Variants in CKAP5 observed in about 807,000 individuals in gnomAD.
CKAP5 encodes the protein cytoskeleton-associated protein 5.
In CKAP5, 27 loss-of-function variants were observed where a neutral mutation model predicts 232.8. That is an observed-to-expected ratio of 0.12 (90% CI 0.09 to 0.16). The LOEUF (loss-of-function observed/expected upper bound fraction) is 0.16. CKAP5 is among the 10% of genes least tolerant of loss of function. The probability of loss-of-function intolerance (pLI) is 1.00; values close to 1 mark genes in which losing one functional copy is unlikely to be tolerated. For synonymous variants in CKAP5, 785 were observed against 841.1 expected (o/e 0.93, Z 1.16); for missense variants, 1,838 against 2,424.7 (o/e 0.76, Z 5.08).
chr11:46,763,462 T>G lies in CKAP5; in HGVS notation c.3687+19A>C, dbSNP rs1452059880. ...TTACATGTCTGAAATACATGTATAT[T>G]TATCTATTGCAGACTTACATCAACC... On this transcript the variant is annotated intron_variant, in intron 29 of 43. Coordinates refer to ENST00000529230, the MANE Select transcript of CKAP5 (RefSeq NM_001008938.4). 1 of 1,571,616 alleles carries G rather than the reference T, an allele frequency of 6.4e-7. No individual in the cohort carries two copies. The highest frequency in any genetic ancestry group is 2.1e-5 in the Admixed American group (1 of 48,252).
chr11:46,816,932 C>T (rs1190447860), intron 3 of CKAP5, among the ~76,000 whole-genome samples: 2 of 151,368 alleles, frequency 1.3e-5, no homozygotes, highest in Admixed American at 6.6e-5. Context: ...AATGGAGAAA[C>T]CTCATCTCTA....
intron 4 of CKAP5, 114 bp from the exon 5 acceptor site, chr11:46,811,292 G>A: frequency 2.4e-6 from 2 of 851,040 alleles, no homozygotes; most frequent in South Asian, 2.2e-5. Flanking sequence ...AATTATATAA[G>A]TTCAGTTTTT....
rs531984577 is a variant in CKAP5, at chr11:46,828,180, A to G, written c.-37-6912T>C. Reference sequence around the variant, plus strand: ...TGAAGATTGCTCCACCAGGGAGCAGACTCAGGTTACTCTTATTCTGAAGGT... The same window carrying G: ...TGAAGATTGCTCCACCAGGGAGCAGGCTCAGGTTACTCTTATTCTGAAGGT... On this transcript the variant is annotated intron_variant, in intron 1 of 43. Transcript: ENST00000529230. 1.1e-4 allele frequency among the ~76,000 whole-genome samples: 16 copies of G among 149,558 alleles called. No homozygotes were observed. The South Asian group carries it at 3.4e-3, about 31-fold the overall frequency.
In CKAP5 at chr11:46,759,538, T is replaced by C. The variant is rs1310844891; in HGVS notation, c.4395-96A>G. 2.4e-6 allele frequency: 3 copies of C among 1,253,614 alleles called. No homozygotes were observed. The Admixed American group carries it at 8.1e-5, about 34-fold the overall frequency. 77.7% of individuals were successfully genotyped at this position (1,253,614 alleles called of 1,614,324 possible). On this transcript the variant is annotated intron_variant, in intron 33 of 43. Transcript: ENST00000529230. ...AGTTGCCCCAAAGCTTCAGGACAGA[T>C]GTTCAACTTCTGGTTTCAGCCCCCC...
chr11:46,755,483 A>G (rs542446542), intron 35 of CKAP5, among the ~76,000 whole-genome samples: 5 of 152,152 alleles, frequency 3.3e-5, no homozygotes, highest in Middle Eastern at 3.4e-3. Flanking sequence ...CTGGGATTAC[A>G]GGCGTGAGCC....
chr11:46,746,275 C>CT (rs2065021160), intron 42 of CKAP5, among the ~76,000 whole-genome samples: 1 of 152,168 alleles, frequency 6.6e-6, no homozygotes, highest in Non-Finnish European at 1.5e-5. Flanking sequence ...TTTTCTATAA[C>CT]TGAAACCTCC....
chr11:46,778,583 G>A lies in CKAP5; in HGVS notation c.2450C>T (p.Pro817Leu). The change falls in exon 21 of 44, where the codon CCA becomes CTA. Residue 817 changes from proline (P) to leucine (L), a missense_variant. Pro to Leu is a moderately conservative substitution (Grantham distance 98). Transcript: ENST00000529230. Reference protein sequence around the residue: ...AEFEKMQGQSPPAPTRGISKH... With the variant: ...AEFEKMQGQSLPAPTRGISKH... The stretch of plus-strand genomic sequence containing the variant: ...GGAAATTCCTCTGGTTGGAGCAGGT[G>A]GACTTTGTCCCTGCATCTATACACA... The A allele has an allele frequency of 6.2e-7, 1 of 1,613,824 alleles. No individual in the cohort carries two copies. The highest frequency in any genetic ancestry group is 8.5e-7 in the Non-Finnish European group (1 of 1,179,832).
intron 4 of CKAP5, among the ~76,000 whole-genome samples, 191 bp downstream of exon 4, chr11:46,816,007 T>C (rs4382863): frequency 0.096 from 14,652 of 152,058 alleles, 876 homozygotes; most frequent in Middle Eastern, 0.18. Flanking sequence ...AACCCTACTG[T>C]GAACTGCACA....
chr11:46,815,448 C>G (rs1448162723), intron 4 of CKAP5, among the ~76,000 whole-genome samples: 1 of 152,128 alleles, frequency 6.6e-6, no homozygotes, highest in African/African-American at 2.4e-5. Context: ...CTTCTAGACT[C>G]AAGAGATCCT....
At chr11:46,839,319 G>A (rs1165499902) in intron 1 of CKAP5, among the ~76,000 whole-genome samples, 2 of 152,266 alleles carry the variant, frequency 1.3e-5, no homozygotes, top group East Asian at 1.9e-4. Context: ...AAGAATAAGC[G>A]TAATGTGTTG....
intron 1 of CKAP5, among the ~76,000 whole-genome samples, chr11:46,825,195 A>G (rs1201443749): frequency 6.6e-6 from 1 of 152,212 alleles, no homozygotes; most frequent in African/African-American, 2.4e-5. Flanking sequence ...ATAAATTCCA[A>G]ATTGTCTGAT....
At chr11:46,810,832 A>G (rs1395970327) in intron 5 of CKAP5, among the ~76,000 whole-genome samples, 175 bp downstream of exon 5, 1 of 152,238 alleles carries the variant, frequency 6.6e-6, no homozygotes, top group Non-Finnish European at 1.5e-5. Flanking sequence ...CACACAGATA[A>G]TAAGTTCTGC....
intron 18 of CKAP5, 113 bp from the exon 19 acceptor site, chr11:46,780,598 T>C: frequency 1.3e-6 from 1 of 768,166 alleles, no homozygotes; most frequent in Non-Finnish European, 2.2e-6. Context: ...TTCTCACTTT[T>C]TCTCTTCCTA....
Position 46,752,646 on chromosome 11 carries a change from G to A in CKAP5, c.5122C>T (p.Leu1708Phe). 1 of 1,612,304 alleles carries A rather than the reference G, an allele frequency of 6.2e-7. No individual in the cohort carries two copies. The highest frequency in any genetic ancestry group is 8.5e-7 in the Non-Finnish European group (1 of 1,178,714). Residue 1708 changes from leucine (L) to phenylalanine (F), a missense_variant, in exon 38 of 44, where the codon CTT (leucine) becomes TTT (phenylalanine). Coordinates refer to ENST00000529230, the MANE Select transcript of CKAP5 (RefSeq NM_001008938.4). ...ATASSPKFSELVMKCLWRMVR... is the reference protein window; with the variant it reads ...ATASSPKFSEFVMKCLWRMVR... Reference sequence around the variant, plus strand: ...CATTTCAACTTCACCTTCATAACAAGCTCTGAGAATTTGGGAGAACTGGCT... The same window carrying A: ...CATTTCAACTTCACCTTCATAACAAACTCTGAGAATTTGGGAGAACTGGCT...
chr11:46,796,733 A>G (rs1022224244), intron 12 of CKAP5, 79 bp downstream of exon 12: 9 of 1,536,718 alleles, frequency 5.9e-6, no homozygotes, highest in Admixed American at 3.6e-5. Context: ...CCAGTACTCT[A>G]TAACTGTCAA....
chr11:46,823,262 A>C (rs866242612), intron 1 of CKAP5, among the ~76,000 whole-genome samples: 1 of 152,152 alleles, frequency 6.6e-6, no homozygotes, highest in African/African-American at 2.4e-5. Context: ...TATCTAGACA[A>C]CACCTTTTTC....
intron 28 of CKAP5, among the ~76,000 whole-genome samples, chr11:46,764,690 C>T (rs2065187294): frequency 6.6e-6 from 1 of 152,110 alleles, no homozygotes; most frequent in Admixed American, 6.6e-5. Context: ...TCTTACTATA[C>T]TTTGCACTTT....
chr11:46,816,451 T>C lies in CKAP5; in HGVS notation c.252-47A>G, dbSNP rs770754233. 11 of 1,523,792 alleles carry C rather than the reference T, an allele frequency of 7.2e-6. No individual in the cohort carries two copies. The Admixed American group carries it at 1.7e-4, about 24-fold the overall frequency. 94.4% of individuals were successfully genotyped at this position (1,523,792 alleles called of 1,614,324 possible). On this transcript the variant is annotated intron_variant, in intron 3 of 43. Transcript: ENST00000529230. ...AAAAATCCCACTTAAGTAGTAAGAA[T>C]TGGAAAAAGGTCACGGAAAGGGGGT...
intron 27 of CKAP5, among the ~76,000 whole-genome samples, chr11:46,766,081 TAGAA>T (rs898903509): frequency 1.2e-4 from 18 of 152,168 alleles, no homozygotes; most frequent in African/African-American, 3.6e-4. Flanking sequence ...TCATATCAGA[TAGAA>T]AGAAAATAGT....
Sources: allele counts gnomAD v4.1 joint callset (sites outside exome capture counted in the v4.1 genomes callset), GRCh38; gene constraint gnomAD v4.1.1; transcripts MANE v1.5; gene names NCBI Gene and HGNC (gene_info 2026-07-23, HGNC 2026-07-21).